The following RBMS2 variants were observed in gnomAD, a reference collection of about 807,000 sequenced individuals.
The protein encoded by RBMS2 is RNA binding motif single stranded interacting protein 2.
Under a neutral mutation model 58.4 loss-of-function variants are expected in RBMS2, and 38 were observed. That is an observed-to-expected ratio of 0.65 (90% CI 0.50 to 0.85). RBMS2 has a LOEUF of 0.85. Among genes scored for constraint, RBMS2 ranks in the 40% least tolerant of loss-of-function variants. The probability of loss-of-function intolerance (pLI) is 0.00; values close to 1 mark genes in which losing one functional copy is unlikely to be tolerated. For missense variants in RBMS2, 367 were observed against 503.7 expected (o/e 0.73, Z 2.60); for synonymous variants, 151 against 180.7 (o/e 0.84, Z 1.32).
intron 1 of RBMS2, among the ~76,000 whole-genome samples, chr12:56,554,989 G>C (rs1157100468): frequency 6.6e-6 from 1 of 151,580 alleles, no homozygotes; most frequent in East Asian, 1.9e-4. Context: ...ATGATGCAAT[G>C]AATATCCTTG....
In RBMS2 at chr12:56,556,620, C is replaced by G. The variant is rs1218743365; in HGVS notation, c.67-5797C>G. On this transcript the variant is annotated intron_variant, in intron 1 of 13. Coordinates refer to ENST00000262031, the MANE Select transcript of RBMS2 (RefSeq NM_002898.4). The stretch of plus-strand genomic sequence containing the variant: ...TGAATTCTTGACCTCAGGTGATCCA[C>G]CCGCCTCAGCCTCCCAAAGTGCTGG... Among the ~76,000 whole-genome samples, 4 of 152,254 alleles carry G rather than the reference C, an allele frequency of 2.6e-5. No individual in the cohort carries two copies. The East Asian group carries it at 7.7e-4, about 29-fold the overall frequency.
In RBMS2 at chr12:56,594,910, G is replaced by C. The variant is rs973639403; in HGVS notation, c.*5777G>C. On this transcript the variant is annotated 3_prime_UTR_variant, in exon 14 of 14. Transcript: ENST00000262031. Reference sequence around the variant, plus strand: ...TCCTTCTCTGAGGGTTGGGAAGGTGGGGGCTAGAAAAGGCTCATAATTTTT... The same window carrying C: ...TCCTTCTCTGAGGGTTGGGAAGGTGCGGGCTAGAAAAGGCTCATAATTTTT... 2.0e-5 allele frequency: 3 copies of C among 152,156 alleles called. No homozygotes were observed. The highest frequency in any genetic ancestry group is 7.2e-5 in the African/African-American group (3 of 41,418). The allele number at this position is 152,156 out of a possible 1,614,324, so 9.4% of individuals were successfully genotyped here. A position where few individuals can be genotyped will look rare whatever the true frequency, so the allele number is the denominator to read the frequency against.
intron 1 of RBMS2, among the ~76,000 whole-genome samples, chr12:56,561,760 C>G (rs903766364): frequency 6.6e-5 from 2 of 30,264 alleles, no homozygotes; most frequent in Admixed American, 4.5e-4. Flanking sequence ...CGTGATCCAC[C>G]CCCCCCCTCC....
Position 56,588,338 on chromosome 12 carries a change from G to T in RBMS2, c.1107G>T (p.Gln369His). The change falls in exon 12 of 14, where the codon CAG becomes CAT. Residue 369 changes from glutamine (Q) to histidine (H), a missense_variant. Around this residue, in one of 3 missense-constraint regions of RBMS2, gnomAD observed 220 missense variants for 261.1 expected, o/e 0.84. Coordinates refer to ENST00000262031, the MANE Select transcript of RBMS2 (RefSeq NM_002898.4). ...CTATGCAAGGAGCTTACATCTCCCA[G>T]TACACCCCTGTGCCTTCTTCCAGTG... is the stretch of plus-strand genomic sequence containing the variant. ...AAAMQGAYIS[Q>H]YTPVPSSSVS... 1 of 1,613,892 alleles carries T rather than the reference G, an allele frequency of 6.2e-7. No individual in the cohort carries two copies. The highest frequency in any genetic ancestry group is 8.5e-7 in the Non-Finnish European group (1 of 1,179,852).
intron 1 of RBMS2, among the ~76,000 whole-genome samples, chr12:56,561,115 C>T (rs1005264484): frequency 1.1e-4 from 16 of 152,242 alleles, no homozygotes; most frequent in African/African-American, 2.2e-4. Context: ...TTTATGGCTC[C>T]GTAGTATTCC....
intron 1 of RBMS2, among the ~76,000 whole-genome samples, chr12:56,550,296 G>A (rs1390353559): frequency 6.6e-6 from 1 of 152,136 alleles, no homozygotes; most frequent in African/African-American, 2.4e-5. Context: ...TTGGGAGGCT[G>A]AGGTGGGCAG....
At chr12:56,583,654 CA>C (rs11355412) in intron 9 of RBMS2, among the ~76,000 whole-genome samples, 134,830 of 146,788 alleles carry the variant, frequency 0.92, 62,484 homozygotes, top group East Asian at 1. Flanking sequence ...AACTCTGTCT[CA>C]AAAAAAAAAA....
chr12:56,553,975 C>A (rs1179933467), intron 1 of RBMS2, among the ~76,000 whole-genome samples: 1 of 151,814 alleles, frequency 6.6e-6, no homozygotes, highest in Non-Finnish European at 1.5e-5. Flanking sequence ...TAGGCGCATG[C>A]CACTATGCTC....
intron 10 of RBMS2, 34 bp downstream of exon 10, chr12:56,586,960 G>A (rs1884753136): frequency 6.3e-7 from 1 of 1,584,896 alleles, no homozygotes; most frequent in South Asian, 1.1e-5. Context: ...AGCCAAAGAG[G>A]CAATTTGATG....
rs2136630298 is a variant in RBMS2, at chr12:56,591,215, C to T, written c.*2082C>T. 1 of 152,272 alleles carries T rather than the reference C, an allele frequency of 6.6e-6. No homozygotes were observed. Among genetic ancestry groups the T allele is most frequent in the East Asian group, 1.9e-4 (1 of 5,182 alleles). The allele number at this position is 152,272 out of a possible 1,614,324, so 9.4% of individuals were successfully genotyped here. A position where few individuals can be genotyped will look rare whatever the true frequency, so the allele number is the denominator to read the frequency against. On this transcript the variant is annotated 3_prime_UTR_variant, in exon 14 of 14. Coordinates refer to ENST00000262031, the MANE Select transcript of RBMS2 (RefSeq NM_002898.4). ...AATGGAGGATAGAGAGACAGGTGTT[C>T]ATTAGGCTGGCCATAGGGAGAGGAA... is the stretch of plus-strand genomic sequence containing the variant.
At chr12:56,527,829 C>T (rs1323742017) in intron 1 of RBMS2, 1 of 138,708 alleles carries the variant, frequency 7.2e-6, no homozygotes, top group Non-Finnish European at 1.5e-5. Context: ...TCTGGATATG[C>T]CCTTTGGTTG....
intron 1 of RBMS2, among the ~76,000 whole-genome samples, chr12:56,534,209 A>G (rs1874332642): frequency 6.6e-6 from 1 of 152,208 alleles, no homozygotes; most frequent in Non-Finnish European, 1.5e-5. Flanking sequence ...CATGCTTTAC[A>G]ATATTTCATT....
chr12:56,573,000 G>A, intron 5 of RBMS2: 1 of 975,628 alleles, frequency 1.0e-6, no homozygotes, highest in South Asian at 4.7e-5. Context: ...GCCCACTTAA[G>A]AAATGGCTCT....
rs536428853 is a variant in RBMS2 at position 56,540,984 on chromosome 12, G to A, written c.66+18895G>A. 4.6e-5 allele frequency among the ~76,000 whole-genome samples: 7 copies of A among 151,796 alleles called. No individual in the cohort carries two copies. The East Asian group carries it at 5.8e-4, about 13-fold the overall frequency. On this transcript the variant is annotated intron_variant, in intron 1 of 13. Coordinates refer to ENST00000262031, the MANE Select transcript of RBMS2 (RefSeq NM_002898.4). ...GGTGTGGTAGCATGCACCTGTAGTCGCAGCTACTCGGGAGGCTGAGGTGGG... is the reference window on the plus strand; with the variant it reads ...GGTGTGGTAGCATGCACCTGTAGTCACAGCTACTCGGGAGGCTGAGGTGGG...
chr12:56,580,532 G>T (rs952808707), intron 5 of RBMS2, among the ~76,000 whole-genome samples: 2 of 151,000 alleles, frequency 1.3e-5, no homozygotes, highest in Non-Finnish European at 3.0e-5. Flanking sequence ...CGCACCCGGC[G>T]GATCAGAGGG....
chr12:56,534,803 G>A (rs1259469711), intron 1 of RBMS2, among the ~76,000 whole-genome samples: 7 of 151,914 alleles, frequency 4.6e-5, no homozygotes, highest in South Asian at 2.1e-4. Context: ...CACCATGCCC[G>A]GCTAATTTTT....
chr12:56,588,810 G>A (rs1253630318), intron 12 of RBMS2, 122 bp from the exon 13 acceptor site: 3 of 835,890 alleles, frequency 3.6e-6, no homozygotes, highest in Non-Finnish European at 6.1e-6. Flanking sequence ...ACTCACACAT[G>A]AGTGTGGAGA....
intron 5 of RBMS2, among the ~76,000 whole-genome samples, chr12:56,573,352 C>T (rs1410476004): frequency 6.6e-6 from 1 of 151,520 alleles, no homozygotes; most frequent in Non-Finnish European, 1.5e-5. Flanking sequence ...TGGCGGGCTC[C>T]TGTAGTCCCA....
At chr12:56,569,803 C>G in intron 3 of RBMS2, 96 bp from the exon 4 acceptor site, 1 of 1,057,542 alleles carries the variant, frequency 9.5e-7, no homozygotes, top group Non-Finnish European at 1.4e-6. Flanking sequence ...ATTTCTGTTA[C>G]ATGGATCATA....
Sources: allele counts gnomAD v4.1 joint callset (sites outside exome capture counted in the v4.1 genomes callset), GRCh38; gene constraint gnomAD v4.1.1; regional missense constraint gnomAD v4.1.1; transcripts MANE v1.5; gene names NCBI Gene and HGNC (gene_info 2026-07-23, HGNC 2026-07-21).